Variants in PHKB observed in about 807,000 individuals in gnomAD.
PHKB encodes phosphorylase kinase regulatory subunit beta.
Under a neutral mutation model 152.1 loss-of-function variants are expected in PHKB, and 122 were observed. The observed-to-expected ratio is 0.80, with a 90% CI of 0.69 to 0.93. The LOEUF (loss-of-function observed/expected upper bound fraction) is 0.93, where lower values mean the gene tolerates loss of function less well. Ranked by LOEUF, PHKB falls within the 40% of genes least tolerant of loss-of-function variation. The pLI is 0.00. For synonymous variants in PHKB, 436 were observed against 464.9 expected, an observed-to-expected ratio of 0.94 and a Z score of 0.80; for missense variants, 1,304 against 1,328.4, an observed-to-expected ratio of 0.98 and a Z score of 0.29.
chr16:47,689,599 T>C (rs1455333951), intron 27 of PHKB, among the ~76,000 whole-genome samples: 1 of 152,242 alleles, frequency 6.6e-6, no homozygotes, highest in Non-Finnish European at 1.5e-5. Context: ...ACTTCAATGC[T>C]AAACCCTTTC....
chr16:47,688,780 A>G lies in PHKB; in HGVS notation c.2631-261A>G, dbSNP rs549549643. Among the ~76,000 whole-genome samples, 8 of 150,522 alleles carry G rather than the reference A, an allele frequency of 5.3e-5. No individual in the cohort carries two copies. In the South Asian group the frequency reaches 1.7e-3, roughly 32 times the overall value. ...TACCACAGTGGATGGGTAAAATCTC[A>G]CTTGCTAAGAACCTAAGTACTTACC... On this transcript the variant is annotated intron_variant, in intron 26 of 30. Transcript: ENST00000323584.
intron 10 of PHKB, among the ~76,000 whole-genome samples, chr16:47,590,094 G>T (rs1972002635): frequency 6.6e-6 from 1 of 152,204 alleles, no homozygotes; most frequent in African/African-American, 2.4e-5. Context: ...CTGGCTGAAA[G>T]GTATTTTGTA....
chr16:47,568,001 ATTG>A (rs1258848560), intron 7 of PHKB, among the ~76,000 whole-genome samples: 3 of 151,924 alleles, frequency 2.0e-5, no homozygotes, highest in East Asian at 1.9e-4. Context: ...GTATTTCTTT[ATTG>A]TTGTTGTTAT....
At chr16:47,607,026 C>T (rs1271439110) in intron 13 of PHKB, among the ~76,000 whole-genome samples, 1 of 152,158 alleles carries the variant, frequency 6.6e-6, no homozygotes, top group Non-Finnish European at 1.5e-5. Flanking sequence ...AAAAAACGCC[C>T]CTTCTCAGAA....
In PHKB at chr16:47,498,401, G is replaced by A. The variant is rs555967739; in HGVS notation, c.166+913G>A. The stretch of plus-strand genomic sequence containing the variant: ...TATGATAAGATCAATTTAGAGGCTG[G>A]GCATGGTGGCTCACGCCTGTAATCC... On this transcript the variant is annotated intron_variant, in intron 2 of 30. Coordinates refer to ENST00000323584, the MANE Select transcript of PHKB (RefSeq NM_000293.3). 8.6e-4 allele frequency among the ~76,000 whole-genome samples: 131 copies of A among 152,260 alleles called. 1 individual carries two copies. The highest frequency in any genetic ancestry group is 3.0e-3 in the African/African-American group (124 of 41,556).
chr16:47,561,542 T>G (rs779989011), intron 7 of PHKB: 1 of 152,248 alleles, frequency 6.6e-6, no homozygotes, highest in Non-Finnish European at 1.5e-5. Flanking sequence ...ATTTTCTAGT[T>G]TTGAGCTGCA....
intron 14 of PHKB, among the ~76,000 whole-genome samples, chr16:47,613,457 A>C (rs1031021302): frequency 3.9e-5 from 6 of 152,258 alleles, no homozygotes; most frequent in Admixed American, 3.9e-4. Context: ...TTGTTTAAGC[A>C]CCAGCCAGCC....
chr16:47,691,318 A>G (rs1182433503), intron 27 of PHKB, among the ~76,000 whole-genome samples: 1 of 152,222 alleles, frequency 6.6e-6, no homozygotes, highest in East Asian at 1.9e-4. Flanking sequence ...TAGTGGTAAA[A>G]TTGACAAAAT....
chr16:47,626,753 A>C (rs1040226478), intron 14 of PHKB, among the ~76,000 whole-genome samples: 1 of 152,184 alleles, frequency 6.6e-6, no homozygotes, highest in African/African-American at 2.4e-5. Context: ...TGATTTTATC[A>C]AGGAAAGCCA....
intron 1 of PHKB, among the ~76,000 whole-genome samples, chr16:47,479,416 A>G (rs371774013): frequency 2.6e-5 from 4 of 151,942 alleles, no homozygotes; most frequent in African/African-American, 7.2e-5. Context: ...TGGCATCTTC[A>G]ACATCTCACA....
chr16:47,680,272 T>A (rs1866799138), intron 26 of PHKB, among the ~76,000 whole-genome samples: 1 of 152,242 alleles, frequency 6.6e-6, no homozygotes, highest in South Asian at 2.1e-4. Flanking sequence ...ATCAGGATTA[T>A]GCTGGCCTCA....
intron 14 of PHKB, among the ~76,000 whole-genome samples, chr16:47,625,962 G>A (rs754196545): frequency 3.3e-5 from 5 of 152,120 alleles, no homozygotes; most frequent in Non-Finnish European, 5.9e-5. Context: ...TCCTACTGAA[G>A]TCCTTACGTA....
At chr16:47,464,400 T>C (rs1004118093) in intron 1 of PHKB, among the ~76,000 whole-genome samples, 2 of 152,194 alleles carry the variant, frequency 1.3e-5, no homozygotes, top group Admixed American at 6.5e-5. Flanking sequence ...GTGAAGCAGG[T>C]TATTAATATA....
At chr16:47,469,001 C>A (rs1283382471) in intron 1 of PHKB, among the ~76,000 whole-genome samples, 2 of 152,178 alleles carry the variant, frequency 1.3e-5, no homozygotes, top group Non-Finnish European at 2.9e-5. Flanking sequence ...AGCCCCCAGA[C>A]ACATCACTCT....
chr16:47,495,765 A>G (rs907372657), intron 1 of PHKB, among the ~76,000 whole-genome samples: 18 of 152,014 alleles, frequency 1.2e-4, no homozygotes, highest in African/African-American at 4.3e-4. Context: ...GCATGACTGG[A>G]GGGGGCTGGG....
In PHKB at chr16:47,596,400, A is replaced by G; in HGVS notation, c.1232A>G (p.Tyr411Cys). The G allele has an allele frequency of 6.2e-7, 1 of 1,609,308 alleles. No individual in the cohort carries two copies. The highest frequency in any genetic ancestry group is 8.5e-7 in the Non-Finnish European group (1 of 1,175,686). Residue 411 changes from tyrosine to cysteine, a missense_variant, in exon 13 of 31, where the codon TAT (tyrosine) becomes TGT (cysteine). Coordinates refer to ENST00000323584, the MANE Select transcript of PHKB (RefSeq NM_000293.3). ...EGYPVVPKYY[Y>C]VPADFVEYEK... ...TATCCTGTTGTACCAAAGTACTATT[A>G]TGTGCCAGCTGACTTTGTAGAATAT...
At chr16:47,605,108 A>G (rs1972298970) in intron 13 of PHKB, among the ~76,000 whole-genome samples, 1 of 152,214 alleles carries the variant, frequency 6.6e-6, no homozygotes, top group South Asian at 2.1e-4. Flanking sequence ...GATATTTCTC[A>G]CATTTACCAT....
At chr16:47,591,305 T>C (rs754251086) in intron 10 of PHKB, among the ~76,000 whole-genome samples, 5 of 152,162 alleles carry the variant, frequency 3.3e-5, no homozygotes, top group Admixed American at 2.0e-4. Flanking sequence ...TGGCCTCTAC[T>C]TGGTGTCTCC....
intron 12 of PHKB, 86 bp from the exon 13 acceptor site, chr16:47,596,287 A>G: frequency 1.1e-6 from 1 of 933,780 alleles, no homozygotes; most frequent in Non-Finnish European, 1.7e-6. Flanking sequence ...TAAATTACCC[A>G]GTCTTGGGTA....
Sources: gnomAD v4.1 joint callset for allele counts (sites outside exome capture counted in the v4.1 genomes callset) on GRCh38, gnomAD v4.1.1 for gene constraint, MANE v1.5 for transcripts, NCBI Gene and HGNC (gene_info 2026-07-23, HGNC 2026-07-21) for gene names.